Variants in PGLYRP4 observed in about 807,000 individuals in gnomAD.
PGLYRP4 encodes peptidoglycan recognition protein 4.
A neutral mutation model predicts 41.2 loss-of-function variants in PGLYRP4; 39 were observed. The observed-to-expected ratio is 0.95, with a 90% confidence interval of 0.73 to 1.24. PGLYRP4 has a LOEUF of 1.24. Among genes scored for constraint, PGLYRP4 ranks in the 50% most tolerant of loss-of-function variants. The pLI is 0.00. For missense variants in PGLYRP4, 467 were observed against 460.7 expected, an observed-to-expected ratio of 1.01 and a Z score of -0.13; for synonymous variants, 202 against 186.8, an observed-to-expected ratio of 1.08 and a Z score of -0.66.
In PGLYRP4 at chr1:153,345,402, G is replaced by C. The variant is rs893018961; in HGVS notation, c.140-20C>G. 6.2e-7 allele frequency: 1 copy of C among 1,603,636 alleles called. No homozygotes were observed. The highest frequency in any genetic ancestry group is 1.3e-5 in the African/African-American group (1 of 74,852). ...GAAGGCCTTGGGGACGTCACTCAGCGCACCTGCCCCATCACTACCGCATTA... is the reference window on the plus strand; with the variant it reads ...GAAGGCCTTGGGGACGTCACTCAGCCCACCTGCCCCATCACTACCGCATTA... On this transcript the variant is annotated intron_variant, in intron 3 of 8. Coordinates refer to ENST00000359650, the MANE Select transcript of PGLYRP4 (RefSeq NM_020393.4).
In PGLYRP4 at chr1:153,341,599, G is replaced by T. The variant is rs757213225; in HGVS notation, c.625+28C>A. 3 of 1,594,354 alleles carry T rather than the reference G, an allele frequency of 1.9e-6. No individual in the cohort carries two copies. The African/African-American group carries it at 4.0e-5, about 21-fold the overall frequency. On this transcript the variant is annotated intron_variant, in intron 6 of 8. Transcript: ENST00000359650. ...TTAGTTGGGGTGAGCCCAGTGGCAGGCCCAGTAGGGCTGAAGAAAGGTCTT... is the reference window on the plus strand; with the variant it reads ...TTAGTTGGGGTGAGCCCAGTGGCAGTCCCAGTAGGGCTGAAGAAAGGTCTT...
chr1:153,336,712 TG>T (rs1660584341), intron 8 of PGLYRP4, among the ~76,000 whole-genome samples: 2 of 152,116 alleles, frequency 1.3e-5, no homozygotes, highest in East Asian at 3.9e-4. Context: ...ACAATAGATT[TG>T]TAGCCCCTAA....
In PGLYRP4 at chr1:153,345,312, A is replaced by C. The variant is rs1333760125; in HGVS notation, c.210T>G (p.Ile70Met). The change falls in exon 4 of 9, where the codon ATT becomes ATG. Residue 70 changes from isoleucine to methionine, a missense_variant. Coordinates refer to ENST00000359650, the MANE Select transcript of PGLYRP4 (RefSeq NM_020393.4). Reference sequence around the variant, plus strand: ...GGACATTCACTGGCGTGGTCAGCTGAATACTGCAGCCAACAGCTTCTGCCC... The same window carrying C: ...GGACATTCACTGGCGTGGTCAGCTGCATACTGCAGCCAACAGCTTCTGCCC... ...AWGAEAVGCS[I>M]QLTTPVNVLV... The C allele has an allele frequency of 6.2e-7, 1 of 1,614,140 alleles. No individual in the cohort carries two copies. The highest frequency in any genetic ancestry group is 1.7e-5 in the Admixed American group (1 of 60,030).
chr1:153,341,653 G>T lies in PGLYRP4; in HGVS notation c.599C>A (p.Pro200His). Residue 200 changes from proline to histidine, a missense_variant, in exon 6 of 9, where the codon CCT becomes CAT. Transcript: ENST00000359650. ...LLGKGENCLA[P>H]RQKTSLKKAC... The stretch of plus-strand genomic sequence containing the variant: ...CTTCTTCAGGCTTGTCTTCTGCCGA[G>T]GGGCCAGGCAGTTCTCGCCTTTCCC... The T allele has an allele frequency of 6.2e-7, 1 of 1,613,302 alleles. No individual in the cohort carries two copies.
At position 153,332,747 on chromosome 1, in the gene PGLYRP4, T is replaced by C. The variant is rs530534064; in HGVS notation, c.944-1802A>G. On this transcript the variant is annotated intron_variant, in intron 8 of 8. Transcript: ENST00000359650. ...AGAGTAACTCTCAAAACTATACAAA[T>C]ACATGGAAATTAAACAACCTGCTCC... Among the ~76,000 whole-genome samples, 11 of 152,132 alleles carry C rather than the reference T, an allele frequency of 7.2e-5. No homozygotes were observed. In the South Asian group the frequency reaches 2.1e-3, roughly 29 times the overall value.
At chr1:153,340,079 C>T (rs1472828931) in intron 7 of PGLYRP4, among the ~76,000 whole-genome samples, 1 of 152,224 alleles carries the variant, frequency 6.6e-6, no homozygotes, top group Non-Finnish European at 1.5e-5. Context: ...ACAGGTGTCA[C>T]AATCTTGCAT....
chr1:153,338,186 A>C (rs1189446470), intron 7 of PGLYRP4, among the ~76,000 whole-genome samples: 1 of 152,120 alleles, frequency 6.6e-6, no homozygotes, highest in African/African-American at 2.4e-5. Flanking sequence ...GGCCCCAGCC[A>C]GGAATACAGG....
chr1:153,341,560 A>G (rs946449282), intron 6 of PGLYRP4, 67 bp downstream of exon 6: 18 of 1,434,290 alleles, frequency 1.3e-5, no homozygotes, highest in Middle Eastern at 2.5e-4. Flanking sequence ...GTCACTCCCA[A>G]TGGTATTTGC....
At chr1:153,334,468 T>TATATATATATTTTTTTATATATA (rs1275488427) in intron 8 of PGLYRP4, among the ~76,000 whole-genome samples, 23 of 142,522 alleles carry the variant, frequency 1.6e-4, no homozygotes, top group African/African-American at 3.6e-4. Context: ...ATATATTTAT[T>TATATATATATTTTTTTATATATA]TATATATATT....
chr1:153,334,468 T>TATATA (rs1275488427), intron 8 of PGLYRP4, among the ~76,000 whole-genome samples: 17 of 142,530 alleles, frequency 1.2e-4, no homozygotes, highest in African/African-American at 3.3e-4. Context: ...ATATATTTAT[T>TATATA]TATATATATT....
chr1:153,341,797 G>C lies in PGLYRP4; in HGVS notation c.473-18C>G, dbSNP rs2101570765. 1 of 1,600,840 alleles carries C rather than the reference G, an allele frequency of 6.2e-7. No individual in the cohort carries two copies. Among genetic ancestry groups the C allele is most frequent in the East Asian group, 2.2e-5 (1 of 44,632 alleles). Reference sequence around the variant, plus strand: ...ACTGTGGCCTAGAAGAGAGAAATCTGTGGGAAACCTCCACCCAGCCTGAGT... The same window carrying C: ...ACTGTGGCCTAGAAGAGAGAAATCTCTGGGAAACCTCCACCCAGCCTGAGT... On this transcript the variant is annotated intron_variant, in intron 5 of 8. Coordinates refer to ENST00000359650, the MANE Select transcript of PGLYRP4 (RefSeq NM_020393.4).
At chr1:153,335,215 T>G (rs1156730205) in intron 8 of PGLYRP4, among the ~76,000 whole-genome samples, 2 of 152,114 alleles carry the variant, frequency 1.3e-5, no homozygotes, top group Non-Finnish European at 2.9e-5. Context: ...TAAACTAAAA[T>G]ATTTCTTCAC....
intron 5 of PGLYRP4, among the ~76,000 whole-genome samples, chr1:153,342,418 A>G (rs1276812690): frequency 2.0e-5 from 3 of 152,168 alleles, no homozygotes; most frequent in East Asian, 3.8e-4. Context: ...CCCAGACTGC[A>G]CCTCTGCACA....
At chr1:153,343,303 G>A (rs1430772457) in intron 4 of PGLYRP4, 95 bp from the exon 5 acceptor site, 2 of 808,380 alleles carry the variant, frequency 2.5e-6, no homozygotes, top group Admixed American at 2.1e-5. Context: ...GAGAAGGACT[G>A]AAGCTATGTT....
chr1:153,338,940 T>C lies in PGLYRP4; in HGVS notation c.824+1441A>G, dbSNP rs190395110. The stretch of plus-strand genomic sequence containing the variant: ...GCTCCATGCAGGCAAGAACCATATC[T>C]GTGAGGCACATCCGATGGCATCCCC... On this transcript the variant is annotated intron_variant, in intron 7 of 8. Transcript: ENST00000359650. Among the ~76,000 whole-genome samples the C allele has an allele frequency of 4.1e-4, 62 of 152,352 alleles. No individual in the cohort carries two copies. The East Asian group carries it at 0.012, about 28-fold the overall frequency.
rs186311183 is a variant in PGLYRP4, at chr1:153,330,666, C to T, written c.*101G>A. ...AAAAAGGAGGCACAGGACTGTGTGG[C>T]AGGGGAGGAGGGCAAAAGGTGTTGA... On this transcript the variant is annotated 3_prime_UTR_variant, in exon 9 of 9. Coordinates refer to ENST00000359650, the MANE Select transcript of PGLYRP4 (RefSeq NM_020393.4). The T allele has an allele frequency of 5.3e-6, 5 of 938,048 alleles. No individual in the cohort carries two copies. The highest frequency in any genetic ancestry group is 1.6e-5 in the African/African-American group (1 of 60,854). 58.1% of individuals were successfully genotyped at this position (938,048 alleles called of 1,614,324 possible). A position where few individuals can be genotyped will look rare whatever the true frequency, so the allele number is the denominator to read the frequency against.
At chr1:153,345,467 CCCT>C in intron 3 of PGLYRP4, 85 bp from the exon 4 acceptor site, 1 of 1,263,284 alleles carries the variant, frequency 7.9e-7, no homozygotes, top group South Asian at 1.3e-5. Context: ...CTGTGTCGGC[CCCT>C]TGGTAGTGGA....
At chr1:153,341,544 G>T (rs1660798830) in intron 6 of PGLYRP4, 83 bp downstream of exon 6, 1 of 1,292,828 alleles carries the variant, frequency 7.7e-7, no homozygotes, top group East Asian at 2.4e-5. Flanking sequence ...GGGCCCTACT[G>T]AAAAGGTCAC....
At chr1:153,338,277 C>T (rs980775113) in intron 7 of PGLYRP4, among the ~76,000 whole-genome samples, 1 of 152,204 alleles carries the variant, frequency 6.6e-6, no homozygotes, top group Non-Finnish European at 1.5e-5. Context: ...ATCTGCCCTG[C>T]ACCCTGGTCA....
Sources: allele counts gnomAD v4.1 joint callset (sites outside exome capture counted in the v4.1 genomes callset), GRCh38; gene constraint gnomAD v4.1.1; transcripts MANE v1.5; gene names NCBI Gene and HGNC (gene_info 2026-07-23, HGNC 2026-07-21).